AJAP1: variants seen among roughly 807,000 people sequenced by gnomAD.
AJAP1 encodes adherens junction-associated protein 1.
AJAP1 carries 5 observed loss-of-function variants against 35.0 expected under a neutral mutation model. That is an observed-to-expected ratio of 0.14 (90% CI 0.07 to 0.30). The LOEUF (loss-of-function observed/expected upper bound fraction) is 0.30, where lower values mean the gene tolerates loss of function less well. Ranked by LOEUF, AJAP1 falls within the 10% of genes least tolerant of loss-of-function variation. The pLI is 1.00. For missense variants in AJAP1, 586 were observed against 571.0 expected, an observed-to-expected ratio of 1.03 and a Z score of -0.27; for synonymous variants, 284 against 249.3, an observed-to-expected ratio of 1.14 and a Z score of -1.31.
intron 2 of AJAP1, among the ~76,000 whole-genome samples, chr1:4,737,502 C>A (rs180749029): frequency 1.3e-5 from 2 of 152,068 alleles, no homozygotes; most frequent in African/African-American, 4.8e-5. Flanking sequence ...AGACGGAAGC[C>A]CCCCGAGATC....
At chr1:4,746,767 G>A (rs997048719) in intron 2 of AJAP1, among the ~76,000 whole-genome samples, 5 of 152,208 alleles carry the variant, frequency 3.3e-5, no homozygotes, top group South Asian at 4.1e-4. Context: ...ACCAGGTTTC[G>A]TGGTTTGCCC....
At chr1:4,724,179 C>T (rs903598360) in intron 2 of AJAP1, among the ~76,000 whole-genome samples, 2 of 152,134 alleles carry the variant, frequency 1.3e-5, no homozygotes, top group Non-Finnish European at 2.9e-5. Context: ...GTGTGGTGGC[C>T]GCGGGCACCT....
At chr1:4,716,388 A>C (rs547972825) in intron 2 of AJAP1, among the ~76,000 whole-genome samples, 68 of 152,318 alleles carry the variant, frequency 4.5e-4, no homozygotes, top group Non-Finnish European at 3.4e-4. Context: ...TAACCATCTC[A>C]TAATGTTGTT....
intron 1 of AJAP1, among the ~76,000 whole-genome samples, chr1:4,678,392 G>A (rs1248697966): frequency 1.3e-5 from 2 of 152,152 alleles, no homozygotes; most frequent in African/African-American, 4.8e-5. Flanking sequence ...AACTTAGTTG[G>A]GCCCTGTGCA....
At position 4,723,748 on chromosome 1, in the gene AJAP1, T is replaced by C. The variant is rs1022437121; in HGVS notation, c.829+11049T>C. On this transcript the variant is annotated intron_variant, in intron 2 of 5. Transcript: ENST00000378191. This position sits in a 1 kb window ranked among gnomAD's most constrained non-coding sequence, Gnocchi z 4.3. ...AAGGGAAGCTGTAGTTGGAGGACTA[T>C]GGAGGTGGACGAGGATTTTGGTTGT... Among the ~76,000 whole-genome samples, 1 of 151,052 alleles carries C rather than the reference T, an allele frequency of 6.6e-6. No homozygotes were observed. Among genetic ancestry groups the C allele is most frequent in the Non-Finnish European group, 1.5e-5 (1 of 67,848 alleles).
chr1:4,778,840 G>A (rs1211438301), intron 5 of AJAP1, among the ~76,000 whole-genome samples: 1 of 152,120 alleles, frequency 6.6e-6, no homozygotes, highest in Non-Finnish European at 1.5e-5. Context: ...ATTAGGGACG[G>A]GTCTTAGCGA....
At chr1:4,657,571 CGGCTCCCTAGGTGAGCACT>C (rs1638909137) in intron 1 of AJAP1, among the ~76,000 whole-genome samples, 1 of 152,190 alleles carries the variant, frequency 6.6e-6, no homozygotes, top group Non-Finnish European at 1.5e-5. Context: ...AGCCACTCCG[CGGCTCCCTAGGTGAGCACT>C]GGGCGTCTTG....
At chr1:4,778,895 C>T (rs1470253925) in intron 5 of AJAP1, among the ~76,000 whole-genome samples, 1 of 152,200 alleles carries the variant, frequency 6.6e-6, no homozygotes, top group African/African-American at 2.4e-5. Context: ...CTCTGAGCCT[C>T]ATCCGGTGTT....
intron 2 of AJAP1, among the ~76,000 whole-genome samples, chr1:4,742,383 AT>A (rs1641090164): frequency 6.6e-6 from 1 of 152,236 alleles, no homozygotes; most frequent in African/African-American, 2.4e-5. Flanking sequence ...ATTGAGGGAC[AT>A]TCTACAAAAT....
intron 5 of AJAP1, among the ~76,000 whole-genome samples, chr1:4,781,466 C>G (rs367770681): frequency 6.6e-6 from 1 of 152,344 alleles, no homozygotes; most frequent in African/African-American, 2.4e-5. Flanking sequence ...CGGAGCCGGT[C>G]TGGCCGCATG....
chr1:4,663,330 G>A (rs1343928275), intron 1 of AJAP1, among the ~76,000 whole-genome samples: 1 of 150,928 alleles, frequency 6.6e-6, no homozygotes, highest in East Asian at 2.0e-4. Context: ...GCACAGGGCA[G>A]ACTGTGGAAA....
intron 2 of AJAP1, among the ~76,000 whole-genome samples, chr1:4,714,398 CCAT>C (rs1334468499): frequency 6.6e-6 from 1 of 152,206 alleles, no homozygotes; most frequent in Non-Finnish European, 1.5e-5. Flanking sequence ...AACTCAGCAG[CCAT>C]CATCATAGTA....
chr1:4,721,023 A>G (rs1410650552), intron 2 of AJAP1, among the ~76,000 whole-genome samples: 1 of 152,120 alleles, frequency 6.6e-6, no homozygotes, highest in African/African-American at 2.4e-5. Flanking sequence ...TTTCCTTTGC[A>G]AGGGGCACGA....
rs370190970 is a variant in AJAP1 at position 4,703,458 on chromosome 1, AG to A, written c.30-8439del. Among the ~76,000 whole-genome samples, 118 of 152,280 alleles carry A rather than the reference AG, an allele frequency of 7.7e-4. 1 individual carries two copies. The highest frequency in any genetic ancestry group is 2.6e-3 in the African/African-American group (108 of 41,570). ...TCAGAGGTTCTTCTGTGAAGGGGAA[AG>A]GGATGGAAGTCTATCTGCTTTGGGA... On this transcript the variant is annotated intron_variant, in intron 1 of 5. Coordinates refer to ENST00000378191, the MANE Select transcript of AJAP1 (RefSeq NM_018836.4).
chr1:4,776,894 G>T (rs1192448639), intron 5 of AJAP1, among the ~76,000 whole-genome samples: 1 of 152,222 alleles, frequency 6.6e-6, no homozygotes, highest in Non-Finnish European at 1.5e-5. Context: ...AAGAGCCCGT[G>T]AGGCTTACTG....
chr1:4,755,230 G>C (rs1262003204), intron 2 of AJAP1, among the ~76,000 whole-genome samples: 1 of 152,188 alleles, frequency 6.6e-6, no homozygotes, highest in East Asian at 1.9e-4. Context: ...GTGTCATAAA[G>C]ACAGCAGCTG....
chr1:4,775,791 C>T (rs1018661443), intron 5 of AJAP1, among the ~76,000 whole-genome samples: 5 of 152,206 alleles, frequency 3.3e-5, no homozygotes, highest in African/African-American at 2.4e-5. Flanking sequence ...AGGTAAGAGG[C>T]GGGTTGCCCC....
intron 1 of AJAP1, among the ~76,000 whole-genome samples, chr1:4,682,189 T>C (rs1261019402): frequency 1.3e-5 from 2 of 152,166 alleles, no homozygotes; most frequent in African/African-American, 4.8e-5. Context: ...GCATGCATCT[T>C]AGAACCCATG....
intron 2 of AJAP1, among the ~76,000 whole-genome samples, chr1:4,749,785 G>A: frequency 6.6e-6 from 1 of 152,196 alleles, no homozygotes; most frequent in East Asian, 1.9e-4. Context: ...GCCTTTAAGA[G>A]TGTGCCTGTG....
Sources: allele counts gnomAD v4.1 joint callset (sites outside exome capture counted in the v4.1 genomes callset), GRCh38; gene constraint gnomAD v4.1.1; non-coding constraint Gnocchi (gnomAD v3.1); transcripts MANE v1.5; gene names NCBI Gene and HGNC (gene_info 2026-07-23, HGNC 2026-07-21).